The following FMN2 variants were observed in gnomAD, a reference collection of about 807,000 sequenced individuals.
FMN2 encodes formin 2.
Under a neutral mutation model 142.3 loss-of-function variants are expected in FMN2, and 51 were observed. That is an observed-to-expected ratio of 0.36 (90% confidence interval 0.29 to 0.45). The LOEUF is 0.45. Among genes scored for constraint, FMN2 ranks in the 20% least tolerant of loss-of-function variants. The pLI is 1.00. For synonymous variants in FMN2, 882 were observed against 869.8 expected, an observed-to-expected ratio of 1.01 and a Z score of -0.25; for missense variants, 1,936 against 2,122.8, an observed-to-expected ratio of 0.91 and a Z score of 1.73.
rs141290458 is a variant in FMN2 at position 240,270,236 on chromosome 1, T to G, written c.4153+12204T>G. On this transcript the variant is annotated intron_variant, in intron 7 of 17. Coordinates refer to ENST00000319653, the MANE Select transcript of FMN2 (RefSeq NM_020066.5). ...CCCAATTTGTTGGGAGTTTTTATCA[T>G]GAAACGAGTTTGCCAAGGATGTGGG... Among the ~76,000 whole-genome samples, 886 of 152,176 alleles carry G rather than the reference T, an allele frequency of 5.8e-3. 13 individuals are homozygous for G. Among genetic ancestry groups the G allele is most frequent in the African/African-American group, 0.02 (819 of 41,540 alleles).
chr1:240,214,822 T>C (rs1666832845), intron 6 of FMN2, among the ~76,000 whole-genome samples: 1 of 152,120 alleles, frequency 6.6e-6, no homozygotes, highest in Non-Finnish European at 1.5e-5. Flanking sequence ...TCCTAGCACT[T>C]TGGGAGGCCA....
chr1:240,123,561 ACCT>A (rs920575854), intron 2 of FMN2, among the ~76,000 whole-genome samples: 1 of 151,502 alleles, frequency 6.6e-6, no homozygotes, highest in Non-Finnish European at 1.5e-5. Context: ...CATTTGCCAA[ACCT>A]CCTTTTCTTG....
chr1:240,420,861 C>T (rs1674738359), intron 15 of FMN2, among the ~76,000 whole-genome samples: 1 of 152,130 alleles, frequency 6.6e-6, no homozygotes, highest in African/African-American at 2.4e-5. Flanking sequence ...GCTGTTAGTT[C>T]AGGTTCTACA....
At chr1:240,465,380 G>GTCTGTC (rs1245291981) in intron 16 of FMN2, among the ~76,000 whole-genome samples, 1 of 105,456 alleles carries the variant, frequency 9.5e-6, no homozygotes, top group African/African-American at 3.8e-5. Context: ...GTGTGTGTGT[G>GTCTGTC]TGTGTGTCTG....
In FMN2 at chr1:240,435,755, A is replaced by G. The variant is rs193224709; in HGVS notation, c.4911-2306A>G. Reference sequence around the variant, plus strand: ...CATGTCTTCTCATTCTAAATCTTACATTCTTTGCTTTTGATACCATACTAC... The same window carrying G: ...CATGTCTTCTCATTCTAAATCTTACGTTCTTTGCTTTTGATACCATACTAC... On this transcript the variant is annotated intron_variant, in intron 15 of 17. Coordinates refer to ENST00000319653, the MANE Select transcript of FMN2 (RefSeq NM_020066.5). Among the ~76,000 whole-genome samples, 346 of 152,302 alleles carry G rather than the reference A, an allele frequency of 2.3e-3. 1 individual carries two copies. The highest frequency in any genetic ancestry group is 8.0e-3 in the African/African-American group (332 of 41,572).
At chr1:240,284,889 C>T (rs1004787364) in intron 7 of FMN2, among the ~76,000 whole-genome samples, 6 of 152,060 alleles carry the variant, frequency 3.9e-5, no homozygotes, top group African/African-American at 1.2e-4. Context: ...AGAGGGAGTA[C>T]GTGATTCTAT....
intron 2 of FMN2, among the ~76,000 whole-genome samples, chr1:240,159,159 C>G (rs966713619): frequency 1.3e-5 from 2 of 151,904 alleles, no homozygotes; most frequent in African/African-American, 4.8e-5. Flanking sequence ...GCTTGTCCAA[C>G]TGCTACAAAA....
chr1:240,468,346 A>G (rs1267609181), intron 16 of FMN2, among the ~76,000 whole-genome samples: 2 of 152,162 alleles, frequency 1.3e-5, no homozygotes, highest in South Asian at 4.1e-4. Context: ...ATACGTATAT[A>G]TATCTCTTCA....
chr1:240,142,952 T>G, intron 2 of FMN2: 1 of 1,602,888 alleles, frequency 6.2e-7, no homozygotes, highest in Non-Finnish European at 8.5e-7. Flanking sequence ...ATACATAGTG[T>G]GATTTGCCTA....
At chr1:240,338,086 G>A (rs1394732101) in intron 13 of FMN2, among the ~76,000 whole-genome samples, 1 of 152,198 alleles carries the variant, frequency 6.6e-6, no homozygotes, top group Non-Finnish European at 1.5e-5. Flanking sequence ...GGAGCATTGA[G>A]TAATTAAGTT....
At chr1:240,172,368 G>C (rs1304074369) in intron 2 of FMN2, among the ~76,000 whole-genome samples, 1 of 152,086 alleles carries the variant, frequency 6.6e-6, no homozygotes, top group Admixed American at 6.6e-5. Flanking sequence ...ATTTAGTGCT[G>C]GTTAAGTAGA....
chr1:240,132,795 AG>A (rs1662793955), intron 2 of FMN2, among the ~76,000 whole-genome samples: 1 of 152,070 alleles, frequency 6.6e-6, no homozygotes, highest in African/African-American at 2.4e-5. Context: ...TCGCGGTATG[AG>A]GGAGGATTGG....
At chr1:240,329,607 A>G in intron 10 of FMN2, 139 bp downstream of exon 10, 1 of 1,143,674 alleles carries the variant, frequency 8.7e-7, no homozygotes, top group Non-Finnish European at 1.2e-6. Flanking sequence ...AGAAGGGAAC[A>G]TTTTATGATT....
intron 6 of FMN2, among the ~76,000 whole-genome samples, chr1:240,233,374 G>C (rs1015378569): frequency 7.0e-6 from 1 of 142,784 alleles, no homozygotes; most frequent in Non-Finnish European, 1.5e-5. Context: ...GACAGAGCGA[G>C]ACTTCATCTC....
chr1:240,327,043 A>G (rs1671194980), intron 8 of FMN2, among the ~76,000 whole-genome samples: 1 of 152,230 alleles, frequency 6.6e-6, no homozygotes, highest in South Asian at 2.1e-4. Context: ...TCTCATAGGT[A>G]ACTGACGAAT....
chr1:240,332,169 A>AT (rs1372218598), intron 11 of FMN2, among the ~76,000 whole-genome samples: 1 of 151,732 alleles, frequency 6.6e-6, no homozygotes, highest in African/African-American at 2.4e-5. Flanking sequence ...GCAGCATATG[A>AT]TTTTTTTATT....
chr1:240,154,725 ACAAT>A (rs1340435885), intron 2 of FMN2: 2 of 152,282 alleles, frequency 1.3e-5, no homozygotes, highest in Non-Finnish European at 2.9e-5. Context: ...CTGATTCTGA[ACAAT>A]CAATTGAAAT....
chr1:240,130,897 C>T (rs968122725), intron 2 of FMN2, among the ~76,000 whole-genome samples: 1 of 152,110 alleles, frequency 6.6e-6, no homozygotes, highest in African/African-American at 2.4e-5. Context: ...TACTTCTCAG[C>T]TCCCTCTTTC....
chr1:240,213,635 T>C (rs1323896351), intron 6 of FMN2, among the ~76,000 whole-genome samples: 1 of 152,234 alleles, frequency 6.6e-6, no homozygotes, highest in Non-Finnish European at 1.5e-5. Context: ...TTTTGGTACC[T>C]TATGATTCAT....
Sources: gnomAD v4.1 joint callset for allele counts (sites outside exome capture counted in the v4.1 genomes callset) on GRCh38, gnomAD v4.1.1 for gene constraint, MANE v1.5 for transcripts, NCBI Gene and HGNC (gene_info 2026-07-23, HGNC 2026-07-21) for gene names.